ELP4: variants seen among roughly 807,000 people sequenced by gnomAD.
ELP4 encodes the protein elongator acetyltransferase complex subunit 4.
ELP4 carries 51 observed loss-of-function variants against 48.9 expected under a neutral mutation model. The ratio of observed to expected loss-of-function variants is 1.04; its 90% confidence interval spans 0.83 to 1.32. The LOEUF (loss-of-function observed/expected upper bound fraction) is 1.32, where lower values mean the gene tolerates loss of function less well. Among genes scored for constraint, ELP4 ranks in the 40% most tolerant of loss-of-function variants. The probability of loss-of-function intolerance (pLI) is 0.00; values close to 1 mark genes in which losing one functional copy is unlikely to be tolerated. For synonymous variants in ELP4, 210 were observed against 189.2 expected (o/e 1.11, Z -0.90); for missense variants, 519 against 514.6 (o/e 1.01, Z -0.08).
chr11:31,578,889 CA>C (rs1437760099), intron 3 of ELP4, among the ~76,000 whole-genome samples: 3 of 152,220 alleles, frequency 2.0e-5, no homozygotes, highest in African/African-American at 4.8e-5. Flanking sequence ...GCAAGGACTT[CA>C]TGACTAAAAC....
intron 3 of ELP4, among the ~76,000 whole-genome samples, chr11:31,555,694 G>A (rs1344146285): frequency 6.6e-6 from 1 of 151,834 alleles, no homozygotes; most frequent in Non-Finnish European, 1.5e-5. Context: ...AGTGCAAAGA[G>A]ATTTCTAACA....
At chr11:31,537,569 A>G (rs1021354662) in intron 2 of ELP4, among the ~76,000 whole-genome samples, 1 of 152,196 alleles carries the variant, frequency 6.6e-6, no homozygotes, top group Non-Finnish European at 1.5e-5. Flanking sequence ...TGCAGGCCAT[A>G]CAGGAAGCAT....
At chr11:31,574,547 T>C (rs1414733838) in intron 3 of ELP4, among the ~76,000 whole-genome samples, 1 of 152,204 alleles carries the variant, frequency 6.6e-6, no homozygotes, top group Non-Finnish European at 1.5e-5. Flanking sequence ...AGGGGCTGAC[T>C]GACACCTCAT....
chr11:31,689,748 A>G (rs1376062011), intron 9 of ELP4, among the ~76,000 whole-genome samples: 2 of 152,108 alleles, frequency 1.3e-5, no homozygotes, highest in Non-Finnish European at 2.9e-5. Flanking sequence ...ACTTGACTCT[A>G]CCACTTATTG....
intron 3 of ELP4, among the ~76,000 whole-genome samples, chr11:31,577,690 A>C (rs927847419): frequency 2.0e-5 from 3 of 152,228 alleles, no homozygotes; most frequent in Non-Finnish European, 4.4e-5. Flanking sequence ...CCAAAGACAA[A>C]AACCACACGA....
Position 31,539,571 on chromosome 11 carries a change from A to T in ELP4, c.260-91A>T, listed in dbSNP as rs1048635425. 3.7e-6 allele frequency: 5 copies of T among 1,337,432 alleles called. No homozygotes were observed. The African/African-American group carries it at 7.4e-5, about 20-fold the overall frequency. 82.8% of individuals were successfully genotyped at this position (1,337,432 alleles called of 1,614,324 possible). ...CATATACTTGTTTTAAGGAAAAAAA[A>T]TATAAAAACATATGAGTGTGCTTGC... On this transcript the variant is annotated intron_variant, in intron 2 of 9. Coordinates refer to ENST00000640961, the MANE Select transcript of ELP4 (RefSeq NM_019040.5).
rs1957134341 is a variant in ELP4 at position 31,567,710 on chromosome 11, T to G, written c.382-27060T>G. On this transcript the variant is annotated intron_variant, in intron 3 of 9. Transcript: ENST00000640961. ...CCACCACAATAAAGTGAGTCACTTTTTTTATTTCCCAGTGCATATAAAGTT... is the reference window on the plus strand; with the variant it reads ...CCACCACAATAAAGTGAGTCACTTTGTTTATTTCCCAGTGCATATAAAGTT... 2.0e-5 allele frequency among the ~76,000 whole-genome samples: 3 copies of G among 152,230 alleles called. No homozygotes were observed. The South Asian group carries it at 6.2e-4, about 31-fold the overall frequency.
In ELP4 at chr11:31,603,846, T is replaced by C; in HGVS notation, c.592T>C (p.Ser198Pro). 6.2e-7 allele frequency: 1 copy of C among 1,611,706 alleles called. No homozygotes were observed. The highest frequency in any genetic ancestry group is 8.5e-7 in the Non-Finnish European group (1 of 1,178,380). Residue 198 changes from serine (S) to proline (P), a missense_variant, in exon 5 of 10, where the codon TCA (serine) becomes CCA (proline). By Grantham distance (74) the Ser-to-Pro change is moderately conservative. Coordinates refer to ENST00000640961, the MANE Select transcript of ELP4 (RefSeq NM_019040.5). ...AATGCCACAAGAACTAATTGAGGCTTCAAATTGGCATGGATTTTTTCTTCC... is the reference window on the plus strand; with the variant it reads ...AATGCCACAAGAACTAATTGAGGCTCCAAATTGGCATGGATTTTTTCTTCC... ...KRMPQELIEA[S>P]NWHGFFLPEK...
chr11:31,770,051 C>G (rs890115803), intron 9 of ELP4, among the ~76,000 whole-genome samples: 3 of 151,954 alleles, frequency 2.0e-5, no homozygotes, highest in Non-Finnish European at 4.4e-5. Flanking sequence ...AAAGAAAGAC[C>G]CCAGTTCTCT....
intron 9 of ELP4, among the ~76,000 whole-genome samples, chr11:31,740,263 T>C (rs1947415671): frequency 6.6e-6 from 1 of 152,218 alleles, no homozygotes; most frequent in African/African-American, 2.4e-5. Context: ...CCATGTACCA[T>C]TCAACTGCTG....
intron 8 of ELP4, chr11:31,648,509 A>AC (rs1025764651): frequency 6.6e-5 from 10 of 151,454 alleles, no homozygotes. Context: ...TGAATAGTAA[A>AC]AGTGTAGTAT....
intron 3 of ELP4, among the ~76,000 whole-genome samples, chr11:31,576,453 T>C (rs1957280709): frequency 6.6e-6 from 1 of 152,194 alleles, no homozygotes; most frequent in Non-Finnish European, 1.5e-5. Context: ...AATAGACATC[T>C]ACAGAACTCT....
chr11:31,698,207 T>G (rs1946450499), intron 9 of ELP4, among the ~76,000 whole-genome samples: 1 of 152,222 alleles, frequency 6.6e-6, no homozygotes, highest in Non-Finnish European at 1.5e-5. Context: ...ATATTTGTAT[T>G]AAACTGATAA....
In ELP4 at chr11:31,790,026, G is replaced by A. The variant is rs1167365776; in HGVS notation, c.*6502G>A. ...ACACCAGGGGAAATGAGTCCTAGAA[G>A]TGGATGAAAGAAATAGCCATGTAGA... is the stretch of plus-strand genomic sequence containing the variant. On this transcript the variant is annotated 3_prime_UTR_variant, in exon 10 of 10. Transcript: ENST00000640961. The A allele has an allele frequency of 2.0e-5, 30 of 1,532,258 alleles. No homozygotes were observed. The highest frequency in any genetic ancestry group is 2.6e-5 in the Non-Finnish European group (29 of 1,134,334). The allele number at this position is 1,532,258 out of a possible 1,614,324, so 94.9% of individuals were successfully genotyped here.
intron 9 of ELP4, among the ~76,000 whole-genome samples, chr11:31,704,233 A>G (rs1041343513): frequency 6.6e-6 from 1 of 152,146 alleles, no homozygotes; most frequent in Non-Finnish European, 1.5e-5. Flanking sequence ...CAACTAAAAA[A>G]AAAAAAATCT....
intron 9 of ELP4, among the ~76,000 whole-genome samples, chr11:31,759,022 C>G (rs1377155640): frequency 6.6e-6 from 1 of 152,044 alleles, no homozygotes; most frequent in African/African-American, 2.4e-5. Context: ...GGTAGATATA[C>G]GTTTGTGACT....
At chr11:31,546,852 T>C (rs1410076212) in intron 3 of ELP4, among the ~76,000 whole-genome samples, 45 of 151,476 alleles carry the variant, frequency 3.0e-4, no homozygotes, top group East Asian at 2.9e-3. Flanking sequence ...CGCTCAACTG[T>C]ATGGAAACTG....
At chr11:31,659,166 C>T (rs1306085671) in intron 9 of ELP4, among the ~76,000 whole-genome samples, 1 of 151,914 alleles carries the variant, frequency 6.6e-6, no homozygotes, top group East Asian at 1.9e-4. Context: ...ATGTCTTTAA[C>T]CCAAAAACTG....
rs1005597634 is a variant in ELP4 at position 31,509,793 on chromosome 11, A to G, written c.9A>G (p.Ala3=). MA[A]VATCGSVAAS... is the part of the protein sequence containing the mutation. ...ACACTGGAGGCTCTAAGATGGCGGC[A>G]GTGGCAACCTGCGGTAGTGTTGCCG... Residue 3 remains alanine (A), a synonymous_variant, in exon 1 of 10, where the codon GCA becomes GCG. Transcript: ENST00000640961. The G allele has an allele frequency of 3.1e-6, 5 of 1,613,976 alleles. No homozygotes were observed. In the African/African-American group the frequency reaches 5.3e-5, roughly 17 times the overall value.
Sources: allele counts gnomAD v4.1 joint callset (sites outside exome capture counted in the v4.1 genomes callset), GRCh38; gene constraint gnomAD v4.1.1; transcripts MANE v1.5; gene names NCBI Gene and HGNC (gene_info 2026-07-23, HGNC 2026-07-21).